The following GNG7 variants were observed in gnomAD, a reference collection of about 807,000 sequenced individuals.
GNG7 encodes G protein subunit gamma 7.
In GNG7, 1 loss-of-function variant was observed where a neutral mutation model predicts 4.0. The ratio of observed to expected loss-of-function variants is 0.25; its 90% CI spans 0.09 to 1.18. The LOEUF is 1.18. Among genes scored for constraint, GNG7 ranks in the 50% most tolerant of loss-of-function variants. GNG7 has a pLI of 0.50. For missense variants in GNG7, 86 were observed against 91.9 expected (o/e 0.94, Z 0.26); for synonymous variants, 34 against 36.9 (o/e 0.92, Z 0.29).
chr19:2,542,668 C>T (rs1008059105), intron 3 of GNG7, among the ~76,000 whole-genome samples: 9 of 152,194 alleles, frequency 5.9e-5, no homozygotes, highest in African/African-American at 2.2e-4. Flanking sequence ...TTGCTCTAAG[C>T]CACCACATAT....
intron 2 of GNG7, among the ~76,000 whole-genome samples, chr19:2,595,591 C>T (rs1224574083): frequency 1.3e-5 from 2 of 151,688 alleles, no homozygotes; most frequent in African/African-American, 4.8e-5. Context: ...AAAAATTAGC[C>T]GGGCGTGGTG....
chr19:2,599,723 G>T (rs1474632274), intron 2 of GNG7, among the ~76,000 whole-genome samples: 3 of 152,106 alleles, frequency 2.0e-5, no homozygotes, highest in African/African-American at 7.2e-5. Flanking sequence ...GATCACCTGC[G>T]GTCAGGAGTT....
chr19:2,525,970 A>AGTTTTTTTTTTTTTTTTT (rs1568231777), intron 3 of GNG7, among the ~76,000 whole-genome samples: 1 of 26,782 alleles, frequency 3.7e-5, no homozygotes, highest in Non-Finnish European at 6.0e-5. Context: ...CCTCCACGCC[A>AGTTTTTTTTTTTTTTTTT]ATTTTTTTTT....
At chr19:2,553,987 T>TATA (rs1555693305) in intron 3 of GNG7, among the ~76,000 whole-genome samples, 1 of 142,228 alleles carries the variant, frequency 7.0e-6, no homozygotes, top group South Asian at 2.1e-4. Flanking sequence ...TTATATGTAA[T>TATA]ATATATTACA....
chr19:2,550,678 G>A (rs1979288522), intron 3 of GNG7, among the ~76,000 whole-genome samples: 1 of 152,070 alleles, frequency 6.6e-6, no homozygotes, highest in South Asian at 2.1e-4. Flanking sequence ...GGCAAGTCTC[G>A]TGACTCCAAT....
intron 2 of GNG7, among the ~76,000 whole-genome samples, chr19:2,599,412 G>C (rs1421624341): frequency 6.6e-6 from 1 of 152,012 alleles, no homozygotes; most frequent in Non-Finnish European, 1.5e-5. Flanking sequence ...CTAGGACTTC[G>C]GCGGGAGAAA....
At chr19:2,522,509 T>G (rs1978315010) in intron 3 of GNG7, among the ~76,000 whole-genome samples, 1 of 151,824 alleles carries the variant, frequency 6.6e-6, no homozygotes, top group Admixed American at 6.6e-5. Context: ...GCGCGGTGGC[T>G]CACGCCTGTA....
intron 2 of GNG7, among the ~76,000 whole-genome samples, chr19:2,607,536 A>G (rs1458306106): frequency 7.8e-6 from 1 of 127,516 alleles, no homozygotes; most frequent in Non-Finnish European, 1.6e-5. Flanking sequence ...TCTCAAAAAG[A>G]AAAAAAAAAA....
intron 2 of GNG7, among the ~76,000 whole-genome samples, chr19:2,608,077 C>A (rs1981446484): frequency 6.7e-6 from 1 of 149,792 alleles, no homozygotes. Flanking sequence ...AAGGTTAAGC[C>A]AAGTCAGTGG....
At chr19:2,555,639 C>A (rs1262357245) in intron 2 of GNG7, among the ~76,000 whole-genome samples, 8 of 152,286 alleles carry the variant, frequency 5.3e-5, no homozygotes, top group Admixed American at 4.6e-4. Context: ...AAAGTGGAAA[C>A]TGGGGACAAA....
chr19:2,697,916 G>A (rs553944522), intron 1 of GNG7, among the ~76,000 whole-genome samples: 30 of 152,112 alleles, frequency 2.0e-4, no homozygotes, highest in African/African-American at 6.8e-4. Context: ...AGGTTGCAAT[G>A]AGACAAGATG....
chr19:2,657,345 AAAAAAAAAAAAAAAAAATATATAT>A (rs1568276276), intron 1 of GNG7, among the ~76,000 whole-genome samples: 1 of 18,220 alleles, frequency 5.5e-5, no homozygotes, highest in Non-Finnish European at 1.2e-4. Flanking sequence ...ATTAAAAAAA[AAAAAAAAAAAAAAAAAATATATAT>A]ATATATATAT....
chr19:2,687,565 G>C (rs377109745), intron 1 of GNG7, among the ~76,000 whole-genome samples: 1 of 152,076 alleles, frequency 6.6e-6, no homozygotes, highest in Non-Finnish European at 1.5e-5. Context: ...GCGGTGAGCC[G>C]AGATCGCACC....
intron 2 of GNG7, among the ~76,000 whole-genome samples, chr19:2,619,314 T>A (rs941380454): frequency 6.6e-6 from 1 of 152,182 alleles, no homozygotes; most frequent in Admixed American, 6.5e-5. Flanking sequence ...CCACACCCAC[T>A]TGTTGACATA....
intron 2 of GNG7, among the ~76,000 whole-genome samples, chr19:2,636,589 C>T (rs1033226285): frequency 6.6e-6 from 1 of 152,162 alleles, no homozygotes; most frequent in East Asian, 1.9e-4. Context: ...GAGGTGCATT[C>T]CCTGACTGCC....
intron 2 of GNG7, among the ~76,000 whole-genome samples, chr19:2,565,261 C>T (rs1979865574): frequency 6.6e-6 from 1 of 152,086 alleles, no homozygotes; most frequent in Non-Finnish European, 1.5e-5. Context: ...CCTGTCATCC[C>T]AGCACTTTGG....
intron 1 of GNG7, among the ~76,000 whole-genome samples, chr19:2,692,708 C>G: frequency 6.6e-6 from 1 of 151,364 alleles, no homozygotes; most frequent in East Asian, 1.9e-4. Context: ...CAATGAAGTC[C>G]GACGTGGTGG....
chr19:2,609,089 C>T lies in GNG7; in HGVS notation c.-78+37135G>A, dbSNP rs960549360. On this transcript the variant is annotated intron_variant, in intron 2 of 4. Transcript: ENST00000382159. The surrounding 1 kb of genome is among the most constrained non-coding windows in gnomAD (Gnocchi z 4.4). ...TCTTCCAGGCTGGAGTGCAGTGGTG[C>T]GATCTTGGCTCACCGCAACCTCTGC... Among the ~76,000 whole-genome samples the T allele has an allele frequency of 3.1e-4, 47 of 152,002 alleles. 1 individual carries two copies. Among genetic ancestry groups the T allele is most frequent in the African/African-American group, 1.1e-3 (45 of 41,434 alleles).
At chr19:2,608,257 G>A (rs1027548918) in intron 2 of GNG7, among the ~76,000 whole-genome samples, 1 of 151,944 alleles carries the variant, frequency 6.6e-6, no homozygotes, top group Non-Finnish European at 1.5e-5. Context: ...CAGAAAGACC[G>A]AAACGCAAGA....
Sources: allele counts gnomAD v4.1 joint callset (sites outside exome capture counted in the v4.1 genomes callset), GRCh38; gene constraint gnomAD v4.1.1; non-coding constraint Gnocchi (gnomAD v3.1); transcripts MANE v1.5; gene names NCBI Gene and HGNC (gene_info 2026-07-23, HGNC 2026-07-21).